Variants in ORC5 observed in about 807,000 individuals in gnomAD.
The protein encoded by ORC5 is origin recognition complex subunit 5.
Under a neutral mutation model 58.8 loss-of-function variants are expected in ORC5, and 39 were observed. The ratio of observed to expected loss-of-function variants is 0.66; its 90% confidence interval spans 0.51 to 0.87. The LOEUF (loss-of-function observed/expected upper bound fraction) is 0.87. ORC5 is among the 40% of genes least tolerant of loss of function. The pLI is 0.00. For missense variants in ORC5, 493 were observed against 506.3 expected (o/e 0.97, Z 0.25); for synonymous variants, 218 against 177.6 (o/e 1.23, Z -1.81).
chr7:104,143,037 T>C (rs919091325), intron 12 of ORC5, among the ~76,000 whole-genome samples: 7 of 152,200 alleles, frequency 4.6e-5, no homozygotes, highest in African/African-American at 1.7e-4. Flanking sequence ...TTGCTAAGTA[T>C]ATTAACTTCA....
intron 2 of ORC5, among the ~76,000 whole-genome samples, chr7:104,203,435 T>C (rs900026852): frequency 6.6e-6 from 1 of 152,172 alleles, no homozygotes; most frequent in African/African-American, 2.4e-5. Flanking sequence ...AGACTGCCCA[T>C]CTCTGGTTTA....
intron 13 of ORC5, among the ~76,000 whole-genome samples, chr7:104,130,795 C>T (rs1798501203): frequency 6.6e-6 from 1 of 152,180 alleles, no homozygotes; most frequent in African/African-American, 2.4e-5. Flanking sequence ...ACAATCAGTT[C>T]ACAAATGGCT....
At chr7:104,193,634 T>C (rs1351399751) in intron 5 of ORC5, among the ~76,000 whole-genome samples, 2 of 152,012 alleles carry the variant, frequency 1.3e-5, no homozygotes, top group African/African-American at 4.8e-5. Context: ...CTCTTTGCCC[T>C]GGTTCCACAC....
In ORC5 at chr7:104,127,437, G is replaced by GT. The variant is rs1488399786; in HGVS notation, c.1263-545dup. Among the ~76,000 whole-genome samples, 7 of 152,142 alleles carry GT rather than the reference G, an allele frequency of 4.6e-5. No individual in the cohort carries two copies. The South Asian group carries it at 1.2e-3, about 27-fold the overall frequency. On this transcript the variant is annotated intron_variant, in intron 13 of 13. Coordinates refer to ENST00000297431, the MANE Select transcript of ORC5 (RefSeq NM_002553.4). ...GAATATGATACAACAAACAGATGAT[G>GT]TGAATGTATATTTTTGTACTCTGAT...
chr7:104,171,846 C>A (rs750088757), intron 8 of ORC5, among the ~76,000 whole-genome samples: 13 of 152,122 alleles, frequency 8.5e-5, no homozygotes, highest in Non-Finnish European at 1.6e-4. Context: ...GACAATGGGA[C>A]CCTGTCTCAA....
chr7:104,153,795 A>G (rs1004061019), intron 12 of ORC5, among the ~76,000 whole-genome samples: 4 of 152,114 alleles, frequency 2.6e-5, no homozygotes, highest in Admixed American at 1.3e-4. Flanking sequence ...TTACAGCTAG[A>G]TTTTAGGATG....
intron 12 of ORC5, among the ~76,000 whole-genome samples, chr7:104,159,568 T>C (rs2115844630): frequency 7.1e-6 from 1 of 140,744 alleles, no homozygotes; most frequent in East Asian, 2.0e-4. Context: ...TGCCCTAGAA[T>C]AAGTTATAAG....
chr7:104,169,352 T>A (rs1224228297), intron 8 of ORC5, among the ~76,000 whole-genome samples: 4 of 152,122 alleles, frequency 2.6e-5, no homozygotes, highest in Admixed American at 1.3e-4. Context: ...CCTGGACTTA[T>A]TTGCAATTAA....
chr7:104,147,305 ATTACTTCCT>A (rs1251571961), intron 12 of ORC5, among the ~76,000 whole-genome samples: 1 of 152,160 alleles, frequency 6.6e-6, no homozygotes, highest in Non-Finnish European at 1.5e-5. Flanking sequence ...AGTAAAACTT[ATTACTTCCT>A]CTACAGCAAA....
intron 3 of ORC5, among the ~76,000 whole-genome samples, chr7:104,199,663 A>T (rs755840609): frequency 1.1e-4 from 16 of 152,220 alleles, no homozygotes; most frequent in African/African-American, 1.9e-4. Flanking sequence ...TTATAGGCTC[A>T]TAGGTGGAAG....
intron 2 of ORC5, 89 bp downstream of exon 2, chr7:104,204,053 C>G: frequency 3.2e-6 from 2 of 622,002 alleles, no homozygotes; most frequent in Non-Finnish European, 5.6e-6. Context: ...GTGGTATGTT[C>G]AATTTTGCAT....
chr7:104,207,717 C>A (rs1264564577), intron 1 of ORC5, 116 bp downstream of exon 1: 33 of 864,428 alleles, frequency 3.8e-5, no homozygotes, highest in Non-Finnish European at 5.5e-5. Context: ...CCCTATTTAA[C>A]GTAAAAACGG....
Position 104,188,373 on chromosome 7 carries a change from G to T in ORC5, c.562C>A (p.Gln188Lys). The T allele has an allele frequency of 6.2e-7, 1 of 1,607,602 alleles. No individual in the cohort carries two copies. Among genetic ancestry groups the T allele is most frequent in the Non-Finnish European group, 8.5e-7 (1 of 1,175,062 alleles). The change falls in exon 6 of 14, where the codon CAA becomes AAA. Residue 188 changes from glutamine (Q) to lysine (K), a missense_variant. Physicochemically the swap from Gln to Lys is moderately conservative, Grantham distance 53 (BLOSUM62 1). Around this residue, in one of 3 missense-constraint regions of ORC5, gnomAD observed 412 missense variants for 403.7 expected, o/e 1.02. Coordinates refer to ENST00000297431, the MANE Select transcript of ORC5 (RefSeq NM_002553.4). ...YFPDYSIGNL[Q>K]KILSHDHPPE... is the part of the protein sequence containing the mutation. Reference sequence around the variant, plus strand: ...GGATGATCATGGGACAGGATCTTTTGAAGGTTGCCTGTTCACAGGACACAA... The same window carrying T: ...GGATGATCATGGGACAGGATCTTTTTAAGGTTGCCTGTTCACAGGACACAA...
At chr7:104,144,951 C>T (rs890977238) in intron 12 of ORC5, among the ~76,000 whole-genome samples, 3 of 152,124 alleles carry the variant, frequency 2.0e-5, no homozygotes, top group Non-Finnish European at 2.9e-5. Context: ...GTCTCAGTTT[C>T]ACATGCATGC....
intron 6 of ORC5, 34 bp downstream of exon 6, chr7:104,188,217 C>CATAT (rs1554355940): frequency 1.6e-4 from 187 of 1,177,986 alleles, no homozygotes; most frequent in South Asian, 2.3e-4. Context: ...CACACACACA[C>CATAT]ATATATATAT....
At chr7:104,140,102 T>C (rs545100176) in intron 12 of ORC5, among the ~76,000 whole-genome samples, 1 of 152,278 alleles carries the variant, frequency 6.6e-6, no homozygotes, top group African/African-American at 2.4e-5. Flanking sequence ...CATTCCTTTA[T>C]GTGCTCTGCC....
At chr7:104,152,790 T>C (rs73713302) in intron 12 of ORC5, among the ~76,000 whole-genome samples, 1 of 152,156 alleles carries the variant, frequency 6.6e-6, no homozygotes, top group Non-Finnish European at 1.5e-5. Flanking sequence ...TTGAGAAAGG[T>C]AGTTATAAAA....
At chr7:104,198,283 G>A (rs1366970561) in intron 3 of ORC5, among the ~76,000 whole-genome samples, 1 of 152,174 alleles carries the variant, frequency 6.6e-6, no homozygotes, top group Non-Finnish European at 1.5e-5. Context: ...GGAAGAAATG[G>A]GAAAGTTTGC....
chr7:104,199,812 C>T (rs1210720918), intron 3 of ORC5, among the ~76,000 whole-genome samples: 1 of 152,080 alleles, frequency 6.6e-6, no homozygotes, highest in African/African-American at 2.4e-5. Flanking sequence ...TTGGGAGAGG[C>T]CAAGTGTGGA....
Sources: allele counts gnomAD v4.1 joint callset (sites outside exome capture counted in the v4.1 genomes callset), GRCh38; gene constraint gnomAD v4.1.1; regional missense constraint gnomAD v4.1.1; transcripts MANE v1.5; gene names NCBI Gene and HGNC (gene_info 2026-07-23, HGNC 2026-07-21).